PRTFDC1: variants seen among roughly 807,000 people sequenced by gnomAD.
The protein encoded by PRTFDC1 is phosphoribosyl transferase domain containing 1.
In PRTFDC1, 38 loss-of-function variants were observed where a neutral mutation model predicts 34.6. The ratio of observed to expected loss-of-function variants is 1.10; its 90% CI spans 0.85 to 1.44. The LOEUF (loss-of-function observed/expected upper bound fraction) is 1.44, where lower values mean the gene tolerates loss of function less well. Ranked by LOEUF, PRTFDC1 falls within the 40% of genes most tolerant of loss-of-function variation. PRTFDC1 has a pLI of 0.00. For synonymous variants in PRTFDC1, 93 were observed against 98.1 expected (o/e 0.95, Z 0.31); for missense variants, 270 against 283.0 (o/e 0.95, Z 0.33).
intron 3 of PRTFDC1, among the ~76,000 whole-genome samples, chr10:24,924,943 C>T (rs1357419241): frequency 2.0e-5 from 3 of 152,068 alleles, no homozygotes; most frequent in Admixed American, 6.6e-5. Context: ...CTAGAAATAC[C>T]TTTGACCCAG....
chr10:24,931,392 C>A (rs1308982164), intron 3 of PRTFDC1, among the ~76,000 whole-genome samples: 1 of 151,800 alleles, frequency 6.6e-6, no homozygotes, highest in Admixed American at 6.6e-5. Context: ...AAGCATAAAT[C>A]AATGAAACTG....
intron 8 of PRTFDC1, 24 bp from the exon 9 acceptor site, chr10:24,849,915 G>GCAT (rs767126975): frequency 2.5e-6 from 4 of 1,611,628 alleles, no homozygotes; most frequent in Non-Finnish European, 3.4e-6. Context: ...GGATTTAAAC[G>GCAT]CATCAGTTTC....
intron 1 of PRTFDC1, among the ~76,000 whole-genome samples, chr10:24,943,883 A>G (rs1849211052): frequency 6.6e-6 from 1 of 152,026 alleles, no homozygotes; most frequent in African/African-American, 2.4e-5. Flanking sequence ...ACTCCTGCAC[A>G]CTTTGACTCC....
At chr10:24,935,608 G>A (rs2132605629) in intron 3 of PRTFDC1, among the ~76,000 whole-genome samples, 1 of 152,126 alleles carries the variant, frequency 6.6e-6, no homozygotes, top group South Asian at 2.1e-4. Context: ...CCACTTGAGT[G>A]TGGGTAAGAC....
chr10:24,888,175 C>T (rs566745548), intron 3 of PRTFDC1, among the ~76,000 whole-genome samples: 2 of 152,334 alleles, frequency 1.3e-5, no homozygotes, highest in Non-Finnish European at 2.9e-5. Context: ...ACCAGGCCCA[C>T]TTCTGCTGTT....
intron 3 of PRTFDC1, among the ~76,000 whole-genome samples, chr10:24,928,775 C>T (rs1027927889): frequency 6.6e-6 from 1 of 151,474 alleles, no homozygotes; most frequent in Non-Finnish European, 1.5e-5. Context: ...CAGTGGCTCA[C>T]GCCTGTAATC....
At chr10:24,883,578 G>T (rs934326904) in intron 3 of PRTFDC1, among the ~76,000 whole-genome samples, 1 of 152,112 alleles carries the variant, frequency 6.6e-6, no homozygotes, top group Non-Finnish European at 1.5e-5. Flanking sequence ...AGATTCAGCC[G>T]CATTGCTTTA....
intron 4 of PRTFDC1, among the ~76,000 whole-genome samples, chr10:24,868,894 A>T (rs1847831124): frequency 6.6e-6 from 1 of 151,668 alleles, no homozygotes; most frequent in African/African-American, 2.4e-5. Flanking sequence ...CTTATTTTTT[A>T]AATTTTATTT....
intron 3 of PRTFDC1, among the ~76,000 whole-genome samples, chr10:24,935,589 T>C (rs1236494811): frequency 2.6e-5 from 4 of 152,160 alleles, no homozygotes; most frequent in African/African-American, 7.2e-5. Context: ...ACACCCTGCA[T>C]AATCCTCTCC....
chr10:24,882,786 G>A (rs180891250), intron 3 of PRTFDC1, among the ~76,000 whole-genome samples: 1,689 of 151,292 alleles, frequency 0.011, 24 homozygotes, highest in African/African-American at 0.038. Context: ...GACTACAGGT[G>A]TGTGCCACCA....
intron 3 of PRTFDC1, chr10:24,908,682 G>T (rs111844285): frequency 3.6e-5 from 57 of 1,595,012 alleles, no homozygotes; most frequent in Non-Finnish European, 4.8e-5. Flanking sequence ...AACCGAGCAC[G>T]CAGCTTTGGG....
intron 3 of PRTFDC1, among the ~76,000 whole-genome samples, chr10:24,928,597 C>T (rs960498138): frequency 2.0e-5 from 3 of 152,124 alleles, no homozygotes; most frequent in Non-Finnish European, 4.4e-5. Context: ...GTGCCCACCA[C>T]CACGCCCAGC....
chr10:24,905,190 G>A lies in PRTFDC1; in HGVS notation c.339+31994C>T, dbSNP rs937610442. Among the ~76,000 whole-genome samples the A allele has an allele frequency of 2.6e-5, 4 of 152,102 alleles. No individual in the cohort carries two copies. The East Asian group carries it at 7.7e-4, about 29-fold the overall frequency. On this transcript the variant is annotated intron_variant, in intron 3 of 8. Transcript: ENST00000320152. ...TAGCCAGGCACAGTGGTGTGCACCT[G>A]TAGTCCCAGCTACTTAGGAGTCAGA...
intron 3 of PRTFDC1, among the ~76,000 whole-genome samples, chr10:24,904,727 T>C (rs1463338239): frequency 2.0e-5 from 3 of 152,166 alleles, no homozygotes; most frequent in Non-Finnish European, 4.4e-5. Flanking sequence ...AGACCACTCT[T>C]ATTTGTTCCT....
At chr10:24,879,115 ACT>A (rs1162167118) in intron 3 of PRTFDC1, among the ~76,000 whole-genome samples, 1 of 152,166 alleles carries the variant, frequency 6.6e-6, no homozygotes, top group South Asian at 2.1e-4. Context: ...TTTTTTCAAA[ACT>A]CTGAGCATTT....
intron 3 of PRTFDC1, among the ~76,000 whole-genome samples, chr10:24,932,399 A>T (rs1413389084): frequency 6.6e-6 from 1 of 151,990 alleles, no homozygotes; most frequent in Non-Finnish European, 1.5e-5. Context: ...TCTTCATAGA[A>T]AACCCAAAAG....
At chr10:24,899,466 T>G (rs1232465157) in intron 3 of PRTFDC1, among the ~76,000 whole-genome samples, 1 of 152,160 alleles carries the variant, frequency 6.6e-6, no homozygotes, top group African/African-American at 2.4e-5. Flanking sequence ...CTATACTGTT[T>G]GAGTGGGACC....
chr10:24,868,623 A>G (rs1847825586), intron 4 of PRTFDC1, among the ~76,000 whole-genome samples: 1 of 152,086 alleles, frequency 6.6e-6, no homozygotes, highest in Non-Finnish European at 1.5e-5. Flanking sequence ...AATAAATTAA[A>G]TTTTAAATTT....
intron 3 of PRTFDC1, among the ~76,000 whole-genome samples, chr10:24,907,206 T>G (rs1848550321): frequency 7.2e-6 from 1 of 138,418 alleles, no homozygotes; most frequent in South Asian, 2.3e-4. Context: ...AGCTAGACCC[T>G]GTCTCTAAAA....
Sources: gnomAD v4.1 joint callset for allele counts (sites outside exome capture counted in the v4.1 genomes callset) on GRCh38, gnomAD v4.1.1 for gene constraint, MANE v1.5 for transcripts, NCBI Gene and HGNC (gene_info 2026-07-23, HGNC 2026-07-21) for gene names.